Variants in CCDC33 observed in about 807,000 individuals in gnomAD.
The protein encoded by CCDC33 is coiled-coil domain-containing protein 33.
In CCDC33, 94 loss-of-function variants were observed where a neutral mutation model predicts 91.9. The observed-to-expected ratio is 1.02, with a 90% confidence interval of 0.87 to 1.21. The LOEUF (loss-of-function observed/expected upper bound fraction) is 1.21, where lower values mean the gene tolerates loss of function less well. Ranked by LOEUF, CCDC33 falls within the 50% of genes most tolerant of loss-of-function variation. CCDC33 has a pLI of 0.00. For missense variants in CCDC33, 940 were observed against 935.5 expected, an observed-to-expected ratio of 1.00 and a Z score of -0.06; for synonymous variants, 396 against 374.5, an observed-to-expected ratio of 1.06 and a Z score of -0.66.
rs559539960 is a variant in CCDC33 at position 74,269,828 on chromosome 15, G to A, written c.546+1370G>A. ...CAGCTGCCTGCTCCTGATGGTGAGC[G>A]CATGGCAGGAGCAGGAACTTCTGCT... On this transcript the variant is annotated intron_variant, in intron 5 of 18. Coordinates refer to ENST00000398814, the MANE Select transcript of CCDC33 (RefSeq NM_025055.5). Among the ~76,000 whole-genome samples the A allele has an allele frequency of 6.1e-4, 93 of 152,296 alleles. 1 individual carries two copies. In the Middle Eastern group the frequency reaches 0.01, roughly 17 times the overall value.
chr15:74,248,413 C>T (rs183807831), intron 2 of CCDC33, among the ~76,000 whole-genome samples: 5 of 152,132 alleles, frequency 3.3e-5, no homozygotes, highest in Admixed American at 1.3e-4. Flanking sequence ...AGTCTCCTGG[C>T]TTGGTTTCCT....
At chr15:74,208,100 G>A (rs539493803) in intron 1 of CCDC33, 2 of 1,142,206 alleles carry the variant, frequency 1.8e-6, no homozygotes, top group South Asian at 2.2e-5. Flanking sequence ...GGACACTGGT[G>A]AGGAGGAGGA....
intron 2 of CCDC33, among the ~76,000 whole-genome samples, chr15:74,254,817 G>A (rs952337995): frequency 4.8e-5 from 7 of 145,526 alleles, no homozygotes; most frequent in African/African-American, 7.8e-5. Context: ...ATGTGATCTC[G>A]GCTCACTGCA....
chr15:74,323,834 G>A (rs2060253589), intron 11 of CCDC33, among the ~76,000 whole-genome samples: 1 of 147,144 alleles, frequency 6.8e-6, no homozygotes, highest in African/African-American at 2.5e-5. Flanking sequence ...GTTCACGCCT[G>A]TAATCCCAGC....
At chr15:74,333,466 T>A in intron 16 of CCDC33, 1 of 679,396 alleles carries the variant, frequency 1.5e-6, no homozygotes, top group African/African-American at 1.8e-5. Context: ...GAGAGTTTTC[T>A]CTCCATCCCA....
intron 11 of CCDC33, among the ~76,000 whole-genome samples, chr15:74,313,460 C>T (rs1382605115): frequency 3.9e-5 from 5 of 129,238 alleles, no homozygotes; most frequent in South Asian, 4.8e-4. Context: ...ACTCTGTCAT[C>T]CAGGCTGGAG....
rs1171459076 is a variant in CCDC33 at position 74,244,661 on chromosome 15, A to G, written c.185+513A>G. Among the ~76,000 whole-genome samples, 2 of 151,240 alleles carry G rather than the reference A, an allele frequency of 1.3e-5. No individual in the cohort carries two copies. ...TTAATGCACCCCACACACCCCCTCC[A>G]GCCAGCTGCTGTCAGGGTACACACT... On this transcript the variant is annotated intron_variant, in intron 2 of 18. Coordinates refer to ENST00000398814, the MANE Select transcript of CCDC33 (RefSeq NM_025055.5). This position sits in a 1 kb window ranked among gnomAD's most constrained non-coding sequence, Gnocchi z 4.2.
chr15:74,231,457 G>A (rs1008556136), upstream of CCDC33, among the ~76,000 whole-genome samples: 2 of 152,192 alleles, frequency 1.3e-5, no homozygotes, highest in Admixed American at 6.5e-5. Flanking sequence ...CTGCACTGCC[G>A]CAGAGCCATT....
chr15:74,229,628 T>C (rs1231985124), intron 2 of CCDC33, among the ~76,000 whole-genome samples: 2 of 152,228 alleles, frequency 1.3e-5, no homozygotes, highest in African/African-American at 4.8e-5. Context: ...GAGGTTCCTA[T>C]ACACACCCGT....
At chr15:74,326,836 C>A (rs1030828908) in intron 11 of CCDC33, among the ~76,000 whole-genome samples, 25 of 151,928 alleles carry the variant, frequency 1.6e-4, no homozygotes, top group African/African-American at 5.8e-4. Flanking sequence ...GTCAGCAGGA[C>A]CACAACAGGA....
chr15:74,232,356 T>C (rs796519066), upstream of CCDC33, among the ~76,000 whole-genome samples: 16 of 152,298 alleles, frequency 1.1e-4, no homozygotes, highest in African/African-American at 3.6e-4. Context: ...AGAGGGAGAC[T>C]ACAGCGCCTT....
chr15:74,280,941 AC>A, intron 9 of CCDC33, 140 bp downstream of exon 9: 1 of 866,172 alleles, frequency 1.2e-6, no homozygotes, highest in Non-Finnish European at 1.6e-6. Context: ...CAGGGAAGTC[AC>A]CCAGTCTAGA....
intron 7 of CCDC33, among the ~76,000 whole-genome samples, chr15:74,276,265 G>C (rs1174873156): frequency 6.6e-6 from 1 of 152,224 alleles, no homozygotes; most frequent in African/African-American, 2.4e-5. Flanking sequence ...CTGAACTGGT[G>C]AGTTAAGGGG....
chr15:74,288,423 C>T (rs2059521179), intron 10 of CCDC33, among the ~76,000 whole-genome samples: 1 of 152,182 alleles, frequency 6.6e-6, no homozygotes, highest in Non-Finnish European at 1.5e-5. Context: ...ACTGTGGGGC[C>T]CAATCAGCAT....
intron 18 of CCDC33, chr15:74,335,702 G>A (rs2060551609): frequency 2.0e-6 from 1 of 499,982 alleles, no homozygotes; most frequent in African/African-American, 1.9e-5. Flanking sequence ...TGAGGGAACA[G>A]GCAAGGAACA....
Position 74,332,792 on chromosome 15 carries a change from G to A in CCDC33, c.1885G>A (p.Asp629Asn), listed in dbSNP as rs1273286413. 1.9e-6 allele frequency: 3 copies of A among 1,614,080 alleles called. No homozygotes were observed. Among genetic ancestry groups the A allele is most frequent in the Non-Finnish European group, 2.5e-6 (3 of 1,180,040 alleles). The change falls in exon 16 of 19, where the codon GAT (aspartate) becomes AAT (asparagine). Residue 629 changes from aspartate to asparagine, a missense_variant. Asp to Asn is a conservative substitution (Grantham distance 23). Transcript: ENST00000398814. ...AAACGCGAAGCTGCGGACGGAGCTG[G>A]ATAAGAACCGCCACCAGCAGGCCCC... is the stretch of plus-strand genomic sequence containing the variant. ...AENAKLRTEL[D>N]KNRHQQAPII... is the part of the protein sequence containing the mutation.
At chr15:74,207,762 C>T in intron 1 of CCDC33, 1 of 1,535,710 alleles carries the variant, frequency 6.5e-7, no homozygotes, top group Non-Finnish European at 8.7e-7. Flanking sequence ...TCATGCGGGC[C>T]CGTGAGCTTG....
intron 11 of CCDC33, among the ~76,000 whole-genome samples, chr15:74,298,050 T>C (rs138378158): frequency 5.8e-4 from 89 of 152,376 alleles, no homozygotes; most frequent in African/African-American, 2.0e-3. Context: ...TACCCAGCCC[T>C]GCTCCTAGTA....
At chr15:74,276,465 C>G (rs1046058741) in intron 7 of CCDC33, among the ~76,000 whole-genome samples, 2 of 152,162 alleles carry the variant, frequency 1.3e-5, no homozygotes, top group African/African-American at 4.8e-5. Flanking sequence ...ATCCCCTCCT[C>G]TCTCAGCCCC....
Sources: gnomAD v4.1 joint callset for allele counts (sites outside exome capture counted in the v4.1 genomes callset) on GRCh38, gnomAD v4.1.1 for gene constraint, Gnocchi (gnomAD v3.1) non-coding constraint, MANE v1.5 for transcripts, NCBI Gene and HGNC (gene_info 2026-07-23, HGNC 2026-07-21) for gene names.